ATP2C2: variants seen among roughly 807,000 people sequenced by gnomAD.
ATP2C2 encodes ATPase secretory pathway Ca2+ transporting 2, also known as calcium-transporting ATPase type 2C member 2.
Under a neutral mutation model 110.8 loss-of-function variants are expected in ATP2C2, and 171 were observed. The ratio of observed to expected loss-of-function variants is 1.54; its 90% CI spans 1.36 to 1.75. The LOEUF (loss-of-function observed/expected upper bound fraction) is 1.75, where lower values mean the gene tolerates loss of function less well. ATP2C2 is among the 40% of genes most tolerant of loss of function. The probability of loss-of-function intolerance (pLI) is 0.00; values close to 1 mark genes in which losing one functional copy is unlikely to be tolerated. For missense variants in ATP2C2, 1,963 were observed against 1,235.0 expected, an observed-to-expected ratio of 1.59 and a Z score of -8.84; for synonymous variants, 804 against 508.4, an observed-to-expected ratio of 1.58 and a Z score of -7.82.
chr16:84,463,271 C>T (rs1911576327), intron 26 of ATP2C2, among the ~76,000 whole-genome samples: 2 of 152,014 alleles, frequency 1.3e-5, no homozygotes, highest in African/African-American at 4.8e-5. Flanking sequence ...CCAGACTGGT[C>T]ACTCAGGACA....
chr16:84,370,503 G>C (rs1909890294), intron 1 of ATP2C2, among the ~76,000 whole-genome samples: 2 of 152,142 alleles, frequency 1.3e-5, no homozygotes, highest in Non-Finnish European at 2.9e-5. Context: ...AGGGAGGGAG[G>C]TGGGGAGGCC....
At chr16:84,420,266 A>G (rs56169108) in intron 7 of ATP2C2, among the ~76,000 whole-genome samples, 24,374 of 151,796 alleles carry the variant, frequency 0.16, 2,032 homozygotes, top group South Asian at 0.26. Flanking sequence ...CAGAAATTGT[A>G]CCCCATTCAC....
intron 18 of ATP2C2, among the ~76,000 whole-genome samples, chr16:84,452,580 C>T (rs574168649): frequency 5.5e-5 from 8 of 145,696 alleles, no homozygotes; most frequent in African/African-American, 1.8e-4. Context: ...CTCACTGCAA[C>T]CTCCACCTCC....
At chr16:84,398,370 C>T (rs776069691) in intron 1 of ATP2C2, 129 bp from the exon 2 acceptor site, 14 of 442,796 alleles carry the variant, frequency 3.2e-5, no homozygotes, top group Non-Finnish European at 4.8e-5. Flanking sequence ...CATGACACTG[C>T]ACTCCAGCCT....
In ATP2C2 at chr16:84,454,619, C is replaced by A. The variant is rs540617038; in HGVS notation, c.1981-199C>A. ...CCCTGGGAAGAAGAAACTGTTGCTCCCACTTTGCAGATAGGGAAACTGAGG... is the reference window on the plus strand; with the variant it reads ...CCCTGGGAAGAAGAAACTGTTGCTCACACTTTGCAGATAGGGAAACTGAGG... On this transcript the variant is annotated intron_variant, in intron 20 of 26. Transcript: ENST00000262429. 4.3e-4 allele frequency among the ~76,000 whole-genome samples: 66 copies of A among 152,296 alleles called. 1 individual carries two copies. The South Asian group carries it at 0.013, about 30-fold the overall frequency.
rs533439411 is a variant in ATP2C2 at position 84,430,198 on chromosome 16, C to CAGCA, written c.986+4398_986+4401dup. Among the ~76,000 whole-genome samples, 745 of 152,274 alleles carry CAGCA rather than the reference C, an allele frequency of 4.9e-3. 5 individuals carry two copies. The highest frequency in any genetic ancestry group is 0.017 in the African/African-American group (706 of 41,542). Reference sequence around the variant, plus strand: ...GGAGGGACACAATTCAACCCCTTAGCAGCAGGCACTGGGCTGCCGGGAGAA... The same window carrying CAGCA: ...GGAGGGACACAATTCAACCCCTTAGCAGCAAGCAGGCACTGGGCTGCCGGGAGAA... On this transcript the variant is annotated intron_variant, in intron 11 of 26. Transcript: ENST00000262429.
intron 4 of ATP2C2, among the ~76,000 whole-genome samples, chr16:84,409,209 A>G (rs1376052747): frequency 6.6e-6 from 1 of 152,218 alleles, no homozygotes; most frequent in Non-Finnish European, 1.5e-5. Context: ...ACAGAAAACT[A>G]AACACTGCAT....
At chr16:84,391,106 T>G (rs1904630902) in intron 1 of ATP2C2, among the ~76,000 whole-genome samples, 1 of 86,858 alleles carries the variant, frequency 1.2e-5, no homozygotes, top group African/African-American at 4.9e-5. Flanking sequence ...AGAGTGAGAC[T>G]CAGACTCAAA....
chr16:84,420,345 A>G lies in ATP2C2; in HGVS notation c.625-2045A>G, dbSNP rs867725768. ...GATATGGATGGTCAGGTTTCCCATC[A>G]GTCCAAACCCACACTCACTCCCCAC... On this transcript the variant is annotated intron_variant, in intron 7 of 26. Transcript: ENST00000262429. Among the ~76,000 whole-genome samples the G allele has an allele frequency of 7.2e-5, 11 of 152,190 alleles. No individual in the cohort carries two copies. The East Asian group carries it at 2.1e-3, about 29-fold the overall frequency.
chr16:84,369,162 A>G (rs1312206083), intron 1 of ATP2C2, among the ~76,000 whole-genome samples: 13 of 152,250 alleles, frequency 8.5e-5, no homozygotes, highest in African/African-American at 3.1e-4. Flanking sequence ...AATAGAAAGC[A>G]AAGTTGGAGC....
At chr16:84,382,039 G>C (rs896137267) in intron 1 of ATP2C2, among the ~76,000 whole-genome samples, 1 of 152,112 alleles carries the variant, frequency 6.6e-6, no homozygotes, top group African/African-American at 2.4e-5. Flanking sequence ...AGAACGTACA[G>C]GTTTGTTACA....
chr16:84,415,740 C>G (rs905968569), intron 7 of ATP2C2, 149 bp downstream of exon 7: 1 of 636,970 alleles, frequency 1.6e-6, no homozygotes, highest in Non-Finnish European at 2.7e-6. Context: ...AGGAAGTTAG[C>G]AGACAAGCGT....
chr16:84,374,032 A>G (rs1910114448), intron 1 of ATP2C2, among the ~76,000 whole-genome samples: 1 of 152,226 alleles, frequency 6.6e-6, no homozygotes, highest in African/African-American at 2.4e-5. Context: ...TAACCGTAGA[A>G]CTGGCTCGTT....
intron 11 of ATP2C2, among the ~76,000 whole-genome samples, chr16:84,433,800 A>C (rs946409056): frequency 6.6e-6 from 1 of 152,154 alleles, no homozygotes; most frequent in Non-Finnish European, 1.5e-5. Context: ...CAGAAGAAAA[A>C]GCAAAAAAGG....
chr16:84,431,727 C>G (rs549272450), intron 11 of ATP2C2, among the ~76,000 whole-genome samples: 37 of 152,154 alleles, frequency 2.4e-4, no homozygotes, highest in Non-Finnish European at 4.6e-4. Context: ...TGGGGAAACT[C>G]ATGGCCCCTT....
intron 1 of ATP2C2, among the ~76,000 whole-genome samples, chr16:84,388,378 C>T (rs1567688811): frequency 6.6e-6 from 1 of 152,132 alleles, no homozygotes; most frequent in Admixed American, 6.6e-5. Flanking sequence ...CAGTCAGAGT[C>T]CTCTACAGAA....
intron 2 of ATP2C2, 58 bp from the exon 3 acceptor site, chr16:84,405,070 T>C (rs769061849): frequency 6.3e-5 from 89 of 1,405,802 alleles, no homozygotes; most frequent in Middle Eastern, 1.8e-4. Flanking sequence ...GTCTGTACCC[T>C]GTTGCCTCAT....
At chr16:84,437,014 A>G (rs1489370445) in intron 11 of ATP2C2, among the ~76,000 whole-genome samples, 1 of 152,150 alleles carries the variant, frequency 6.6e-6, no homozygotes. Flanking sequence ...GAGGCGCCTC[A>G]GCCTCCCAAA....
chr16:84,405,681 C>T (rs545361703), intron 3 of ATP2C2, among the ~76,000 whole-genome samples: 17 of 152,178 alleles, frequency 1.1e-4, no homozygotes, highest in African/African-American at 2.9e-4. Context: ...GCACTTTGGG[C>T]GGCTGAAGCG....
Sources: gnomAD v4.1 joint callset for allele counts (sites outside exome capture counted in the v4.1 genomes callset) on GRCh38, gnomAD v4.1.1 for gene constraint, MANE v1.5 for transcripts, NCBI Gene and HGNC (gene_info 2026-07-23, HGNC 2026-07-21) for gene names.